SDK1: variants seen among roughly 807,000 people sequenced by gnomAD.
SDK1 encodes sidekick cell adhesion molecule 1.
A neutral mutation model predicts 245.5 loss-of-function variants in SDK1; 157 were observed. The observed-to-expected ratio is 0.64, with a 90% CI of 0.56 to 0.73. SDK1 has a LOEUF of 0.73. Among genes scored for constraint, SDK1 ranks in the 30% least tolerant of loss-of-function variants. The pLI is 0.00. For missense variants in SDK1, 3,583 were observed against 3,002.3 expected (o/e 1.19, Z -4.52); for synonymous variants, 1,647 against 1,278.5 (o/e 1.29, Z -6.15).
chr7:3,392,428 A>T (rs1480562990), intron 1 of SDK1, among the ~76,000 whole-genome samples: 11 of 152,026 alleles, frequency 7.2e-5, no homozygotes, highest in Non-Finnish European at 1.6e-4. Flanking sequence ...TCTTTTATAT[A>T]TACTTTTATG....
At chr7:3,840,280 G>C (rs12538997) in intron 5 of SDK1, among the ~76,000 whole-genome samples, 1 of 151,988 alleles carries the variant, frequency 6.6e-6, no homozygotes, top group Non-Finnish European at 1.5e-5. Context: ...GGGGAGAAGA[G>C]AACATGTTGG....
At chr7:3,679,548 C>T (rs1583300078) in intron 4 of SDK1, among the ~76,000 whole-genome samples, 1 of 152,048 alleles carries the variant, frequency 6.6e-6, no homozygotes, top group Non-Finnish European at 1.5e-5. Context: ...GCCTGGGCGA[C>T]AGAGCGAGAC....
intron 5 of SDK1, among the ~76,000 whole-genome samples, chr7:3,902,912 GA>G (rs1781838216): frequency 6.6e-6 from 1 of 151,972 alleles, no homozygotes; most frequent in African/African-American, 2.4e-5. Flanking sequence ...AACACATAAA[GA>G]ATTTTTACCA....
intron 4 of SDK1, among the ~76,000 whole-genome samples, chr7:3,751,347 C>T (rs1403936425): frequency 6.6e-6 from 1 of 151,986 alleles, no homozygotes; most frequent in East Asian, 1.9e-4. Flanking sequence ...TCAGCACCTC[C>T]CTTCATGAAT....
intron 1 of SDK1, among the ~76,000 whole-genome samples, chr7:3,498,755 T>A (rs1486016305): frequency 6.6e-6 from 1 of 150,876 alleles, no homozygotes; most frequent in Non-Finnish European, 1.5e-5. Context: ...TCCCCTTTAC[T>A]CCCTCCATAT....
At chr7:4,093,806 G>C (rs568111186) in intron 22 of SDK1, among the ~76,000 whole-genome samples, 2 of 152,308 alleles carry the variant, frequency 1.3e-5, no homozygotes, top group East Asian at 3.9e-4. Context: ...GGAGGCCACG[G>C]GCTGTGTTTC....
intron 17 of SDK1, among the ~76,000 whole-genome samples, chr7:4,018,083 C>A (rs560874105): frequency 1.9e-4 from 29 of 152,334 alleles, no homozygotes; most frequent in African/African-American, 6.5e-4. Flanking sequence ...AATAAACAGA[C>A]CCTCTCCCAA....
intron 1 of SDK1, among the ~76,000 whole-genome samples, chr7:3,371,116 A>C (rs903506884): frequency 6.6e-6 from 1 of 152,184 alleles, no homozygotes; most frequent in African/African-American, 2.4e-5. Context: ...GTCTCAGAGC[A>C]GGAAGAGTTA....
At chr7:3,649,386 A>T (rs752268122) in intron 4 of SDK1, among the ~76,000 whole-genome samples, 2 of 152,062 alleles carry the variant, frequency 1.3e-5, no homozygotes, top group Non-Finnish European at 2.9e-5. Flanking sequence ...CATCCCAATC[A>T]AGAGAGTTCG....
At chr7:4,006,579 T>C (rs1244231021) in intron 14 of SDK1, among the ~76,000 whole-genome samples, 1 of 152,216 alleles carries the variant, frequency 6.6e-6, no homozygotes, top group Non-Finnish European at 1.5e-5. Context: ...AGCTTGAGAA[T>C]GAGCAAATCC....
intron 1 of SDK1, among the ~76,000 whole-genome samples, chr7:3,350,501 G>T (rs1470879120): frequency 2.0e-5 from 3 of 152,144 alleles, no homozygotes; most frequent in Admixed American, 2.0e-4. Context: ...AGTCTTCTTG[G>T]TGGTTATTTT....
At chr7:3,672,170 G>C (rs1366325348) in intron 4 of SDK1, among the ~76,000 whole-genome samples, 1 of 152,064 alleles carries the variant, frequency 6.6e-6, no homozygotes, top group African/African-American at 2.4e-5. Flanking sequence ...AAGGACTATA[G>C]GAATGAGGGC....
chr7:4,031,253 C>T (rs1234263117), intron 17 of SDK1, among the ~76,000 whole-genome samples: 1 of 152,114 alleles, frequency 6.6e-6, no homozygotes, highest in African/African-American at 2.4e-5. Flanking sequence ...AAATCGGCTT[C>T]TGTGTAATTG....
intron 1 of SDK1, among the ~76,000 whole-genome samples, chr7:3,343,319 G>A (rs1777318175): frequency 6.6e-6 from 1 of 152,168 alleles, no homozygotes; most frequent in South Asian, 2.1e-4. Context: ...TCTGTATCAT[G>A]ATTACTTCTC....
chr7:4,067,249 T>A (rs1562758105), intron 19 of SDK1, among the ~76,000 whole-genome samples: 1 of 152,150 alleles, frequency 6.6e-6, no homozygotes, highest in Non-Finnish European at 1.5e-5. Flanking sequence ...TGCCTGCCCG[T>A]GTTAGCAAGG....
At chr7:4,139,409 GTA>G (rs145545755) in intron 28 of SDK1, among the ~76,000 whole-genome samples, 1 of 120,598 alleles carries the variant, frequency 8.3e-6, no homozygotes, top group African/African-American at 3.0e-5. Flanking sequence ...ATGTGTGTGT[GTA>G]TATGTGTGTG....
At chr7:3,324,841 A>C (rs1388950067) in intron 1 of SDK1, among the ~76,000 whole-genome samples, 1 of 152,152 alleles carries the variant, frequency 6.6e-6, no homozygotes, top group East Asian at 1.9e-4. Flanking sequence ...AAACGGCAAG[A>C]TTTCAGAATC....
At chr7:4,054,710 A>C (rs528633932) in intron 19 of SDK1, among the ~76,000 whole-genome samples, 10 of 152,310 alleles carry the variant, frequency 6.6e-5, no homozygotes, top group Admixed American at 5.9e-4. Context: ...TTCTCACCTG[A>C]GAGGCAAAAC....
intron 1 of SDK1, among the ~76,000 whole-genome samples, chr7:3,455,825 G>C (rs903899936): frequency 2.6e-5 from 4 of 152,296 alleles, no homozygotes; most frequent in African/African-American, 7.2e-5. Context: ...ACTTTGCTGA[G>C]ATTTTGATAG....
Sources: gnomAD v4.1 joint callset for allele counts (sites outside exome capture counted in the v4.1 genomes callset) on GRCh38, gnomAD v4.1.1 for gene constraint, MANE v1.5 for transcripts, NCBI Gene and HGNC (gene_info 2026-07-23, HGNC 2026-07-21) for gene names.